The following MAN2A1 variants were observed in gnomAD, a reference collection of about 807,000 sequenced individuals.
MAN2A1 encodes mannosidase alpha class 2A member 1.
Under a neutral mutation model 142.6 loss-of-function variants are expected in MAN2A1, and 76 were observed. That is an observed-to-expected ratio of 0.53 (90% confidence interval 0.44 to 0.65). The LOEUF is 0.65. Ranked by LOEUF, MAN2A1 falls within the 30% of genes least tolerant of loss-of-function variation. The pLI, the probability that MAN2A1 is intolerant of heterozygous loss-of-function variation, is 0.00. For synonymous variants in MAN2A1, 559 were observed against 473.2 expected (o/e 1.18, Z -2.35); for missense variants, 1,311 against 1,365.1 (o/e 0.96, Z 0.62).
intron 1 of MAN2A1, chr5:109,699,488 GAATA>G (rs1477889705): frequency 1.3e-5 from 2 of 152,138 alleles, no homozygotes; most frequent in Non-Finnish European, 2.9e-5. Context: ...CCACAAAAAA[GAATA>G]AATAAGTGAT....
intron 4 of MAN2A1, among the ~76,000 whole-genome samples, chr5:109,739,757 C>G (rs769852929): frequency 4.6e-5 from 7 of 151,916 alleles, no homozygotes; most frequent in Non-Finnish European, 8.8e-5. Flanking sequence ...TTATTACTGG[C>G]TGACCAGCAT....
chr5:109,725,189 T>C lies in MAN2A1; in HGVS notation c.536-4153T>C, dbSNP rs185522658. On this transcript the variant is annotated intron_variant, in intron 3 of 21. Coordinates refer to ENST00000261483, the MANE Select transcript of MAN2A1 (RefSeq NM_002372.4). ...AAAGAAATAAATTACTAAAGAAAAA[T>C]AGGTCTTCTCCTCTTGCCTGGAGAA... Among the ~76,000 whole-genome samples the C allele has an allele frequency of 1.3e-4, 20 of 152,296 alleles. No homozygotes were observed. The East Asian group carries it at 3.7e-3, about 28-fold the overall frequency.
intron 15 of MAN2A1, among the ~76,000 whole-genome samples, chr5:109,822,743 T>G (rs1476572108): frequency 2.0e-5 from 3 of 152,050 alleles, no homozygotes; most frequent in Non-Finnish European, 4.4e-5. Flanking sequence ...AGTGGCGCGA[T>G]CTCAGCTCAC....
chr5:109,808,249 A>T (rs532226493), intron 12 of MAN2A1, among the ~76,000 whole-genome samples: 2 of 152,246 alleles, frequency 1.3e-5, no homozygotes, highest in Admixed American at 1.3e-4. Flanking sequence ...TTTGTTTTTG[A>T]TGTTGTTATT....
chr5:109,757,235 T>C (rs1752712809), intron 5 of MAN2A1, among the ~76,000 whole-genome samples: 1 of 152,194 alleles, frequency 6.6e-6, no homozygotes, highest in African/African-American at 2.4e-5. Context: ...ACAATGCCCT[T>C]TTTCTTAAAT....
Position 109,811,602 on chromosome 5 carries a change from G to GTGTGTC in MAN2A1, c.1944-5659_1944-5654dup, listed in dbSNP as rs1383569290. ...TGTGTGTGTGTGTGTGTGTGTGTGT[G>GTGTGTC]TGTGTCTGTGTCTGTGTGTCTGCAT... On this transcript the variant is annotated intron_variant, in intron 12 of 21. Coordinates refer to ENST00000261483, the MANE Select transcript of MAN2A1 (RefSeq NM_002372.4). 2.3e-4 allele frequency among the ~76,000 whole-genome samples: 32 copies of GTGTGTC among 140,252 alleles called. No homozygotes were observed. The South Asian group carries it at 7.0e-3, about 31-fold the overall frequency. 92.0% of individuals were successfully genotyped at this position (140,252 alleles called of 152,430 possible).
intron 19 of MAN2A1, chr5:109,854,178 T>A (rs1036915933): frequency 8.5e-5 from 13 of 152,186 alleles, no homozygotes; most frequent in African/African-American, 3.1e-4. Flanking sequence ...AGATACAAAA[T>A]TAAATTTGGT....
chr5:109,796,929 G>T (rs1020083561), intron 12 of MAN2A1, among the ~76,000 whole-genome samples: 1 of 152,198 alleles, frequency 6.6e-6, no homozygotes, highest in South Asian at 2.1e-4. Flanking sequence ...TAGACTAGCA[G>T]CTCCATGAGG....
chr5:109,729,569 A>G (rs1267740445), intron 4 of MAN2A1, 56 bp downstream of exon 4: 7 of 900,836 alleles, frequency 7.8e-6, no homozygotes, highest in Non-Finnish European at 1.1e-5. Flanking sequence ...TTGTACAATG[A>G]ACTAAGTATT....
chr5:109,753,686 C>T lies in MAN2A1; in HGVS notation c.708-1643C>T, dbSNP rs1311058544. On this transcript the variant is annotated intron_variant, in intron 4 of 21. Coordinates refer to ENST00000261483, the MANE Select transcript of MAN2A1 (RefSeq NM_002372.4). ...TTAATGTTGTGGCTTCTATCATATG[C>T]TTTGTAGGAAAATAGTTATTCATCC... Among the ~76,000 whole-genome samples, 9 of 152,120 alleles carry T rather than the reference C, an allele frequency of 5.9e-5. 1 individual carries two copies. Among genetic ancestry groups the T allele is most frequent in the Non-Finnish European group, 4.4e-5 (3 of 68,038 alleles).
intron 4 of MAN2A1, among the ~76,000 whole-genome samples, chr5:109,735,255 C>G (rs919081044): frequency 7.9e-5 from 12 of 151,966 alleles, no homozygotes; most frequent in African/African-American, 2.9e-4. Flanking sequence ...TTATTTTGAG[C>G]CTATGTGTGT....
chr5:109,830,133 A>G (rs1754867349), intron 16 of MAN2A1, among the ~76,000 whole-genome samples: 1 of 152,188 alleles, frequency 6.6e-6, no homozygotes, highest in Non-Finnish European at 1.5e-5. Context: ...ACATGTTACA[A>G]TAAGTAAGTA....
chr5:109,826,755 G>A (rs1561532043), intron 16 of MAN2A1, among the ~76,000 whole-genome samples: 1 of 152,210 alleles, frequency 6.6e-6, no homozygotes, highest in Non-Finnish European at 1.5e-5. Flanking sequence ...CAGCGTTCAC[G>A]CTGCCTGAAA....
At chr5:109,817,096 G>T (rs1277154230) in intron 12 of MAN2A1, among the ~76,000 whole-genome samples, 177 bp from the exon 13 acceptor site, 2 of 152,124 alleles carry the variant, frequency 1.3e-5, no homozygotes, top group Non-Finnish European at 2.9e-5. Context: ...AGCCCAGGAG[G>T]TTGAGACTGC....
At chr5:109,809,548 C>T (rs1754264612) in intron 12 of MAN2A1, among the ~76,000 whole-genome samples, 1 of 151,894 alleles carries the variant, frequency 6.6e-6, no homozygotes, top group Admixed American at 6.6e-5. Context: ...TTTTTGTTTC[C>T]TCACCACCTC....
At chr5:109,781,341 A>C in intron 8 of MAN2A1, 55 bp from the exon 9 acceptor site, 1 of 1,009,344 alleles carries the variant, frequency 9.9e-7, no homozygotes, top group African/African-American at 1.6e-5. Context: ...ACAGTGTAAG[A>C]AGTAAATAAT....
chr5:109,835,207 A>C (rs1241446280), intron 16 of MAN2A1, among the ~76,000 whole-genome samples: 1 of 152,218 alleles, frequency 6.6e-6, no homozygotes, highest in Non-Finnish European at 1.5e-5. Context: ...TTTGATGATT[A>C]AAATACAAAA....
intron 5 of MAN2A1, among the ~76,000 whole-genome samples, chr5:109,766,488 G>T (rs1051925068): frequency 6.6e-6 from 1 of 151,852 alleles, no homozygotes; most frequent in Non-Finnish European, 1.5e-5. Context: ...TTTCCTTATT[G>T]TCCTTTACTG....
At chr5:109,713,129 G>A (rs938682643) in intron 1 of MAN2A1, among the ~76,000 whole-genome samples, 2 of 152,076 alleles carry the variant, frequency 1.3e-5, no homozygotes, top group Admixed American at 1.3e-4. Flanking sequence ...TTTGACCCTT[G>A]TGAGTAACTC....
Sources: allele counts gnomAD v4.1 joint callset (sites outside exome capture counted in the v4.1 genomes callset), GRCh38; gene constraint gnomAD v4.1.1; transcripts MANE v1.5; gene names NCBI Gene and HGNC (gene_info 2026-07-23, HGNC 2026-07-21).